The following DMD variants were observed in gnomAD, a reference collection of about 807,000 sequenced individuals.
DMD encodes dystrophin.
A neutral mutation model predicts 330.1 loss-of-function variants in DMD; 63 were observed. That is an observed-to-expected ratio of 0.19 (90% CI 0.16 to 0.24). The LOEUF is 0.24. Ranked by LOEUF, DMD falls within the 10% of genes least tolerant of loss-of-function variation. The pLI is 1.00. For missense variants in DMD, 3,344 were observed against 2,684.1 expected (o/e 1.25, Z -5.43); for synonymous variants, 1,223 against 959.8 (o/e 1.27, Z -5.07).
chrX:32,796,507 T>C (rs547189524), intron 7 of DMD, among the ~76,000 whole-genome samples: 23 of 111,364 alleles, frequency 2.1e-4, no homozygotes, highest in African/African-American at 3.9e-4. Flanking sequence ...TACAAATATA[T>C]AGTTGGAAGG....
chrX:31,356,231 C>CTAA (rs1244116993), intron 60 of DMD, among the ~76,000 whole-genome samples: 1 of 111,803 alleles, frequency 8.9e-6, no homozygotes. Context: ...GGCATTGATA[C>CTAA]TAATGCCGTG....
Position 32,178,971 on chromosome X carries a change from T to C in DMD, c.6438+37945A>G, listed in dbSNP as rs185180502. Among the ~76,000 whole-genome samples, 221 of 103,511 alleles carry C rather than the reference T, an allele frequency of 2.1e-3. 1 individual carries two copies. Among genetic ancestry groups the C allele is most frequent in the African/African-American group, 6.3e-3 (167 of 26,620 alleles). The allele number at this position is 103,511 out of a possible 115,157, so 89.9% of individuals were successfully genotyped here. A position where few individuals can be genotyped will look rare whatever the true frequency, so the allele number is the denominator to read the frequency against. ...CTCTCTCTCTCTCTCTCTCTCTCTC[T>C]CTCTCTCTCTCCCTCTCCTCCTGCT... is the stretch of plus-strand genomic sequence containing the variant. On this transcript the variant is annotated intron_variant, in intron 44 of 78. Coordinates refer to ENST00000357033, the MANE Select transcript of DMD (RefSeq NM_004006.3).
At chrX:33,144,462 G>A (rs2047936153) in intron 1 of DMD, among the ~76,000 whole-genome samples, 1 of 111,844 alleles carries the variant, frequency 8.9e-6, no homozygotes, top group African/African-American at 3.2e-5. Context: ...AATGATAAAT[G>A]TTTGAGGTAA....
intron 44 of DMD, among the ~76,000 whole-genome samples, chrX:32,070,933 C>G (rs1003572018): frequency 9.0e-6 from 1 of 111,288 alleles, no homozygotes; most frequent in Non-Finnish European, 1.9e-5. Flanking sequence ...TTACTCATTG[C>G]AATAGTTTGC....
chrX:33,236,422 A>T (rs2052485290), intron 1 of DMD, among the ~76,000 whole-genome samples: 2 of 107,392 alleles, frequency 1.9e-5, no homozygotes, highest in Non-Finnish European at 3.8e-5. Flanking sequence ...GCACCACCAC[A>T]CCCAGCTAAT....
rs373967720 is a variant in DMD at position 32,911,411 on chromosome X, T to C, written c.94-61591A>G. Among the ~76,000 whole-genome samples the C allele has an allele frequency of 2.9e-4, 33 of 112,197 alleles. 1 individual carries two copies. In the East Asian group the frequency reaches 7.3e-3, roughly 25 times the overall value. The stretch of plus-strand genomic sequence containing the variant: ...ACATTAAACTCTGTATAGTATATTG[T>C]AGAACTTAATTCATATCTGCTAAAT... On this transcript the variant is annotated intron_variant, in intron 2 of 78. Coordinates refer to ENST00000357033, the MANE Select transcript of DMD (RefSeq NM_004006.3).
chrX:32,742,144 C>G (rs1039087521), intron 7 of DMD, among the ~76,000 whole-genome samples: 1 of 111,653 alleles, frequency 9.0e-6, no homozygotes, highest in East Asian at 2.8e-4. Context: ...CAGCTACCAC[C>G]CATTCCCTTT....
At chrX:32,107,898 C>G (rs1487582087) in intron 44 of DMD, among the ~76,000 whole-genome samples, 1 of 111,001 alleles carries the variant, frequency 9.0e-6, no homozygotes, top group Non-Finnish European at 1.9e-5. Flanking sequence ...ACAACAGTAT[C>G]ATTAGAATGT....
At chrX:32,096,965 A>G (rs144065572) in intron 44 of DMD, among the ~76,000 whole-genome samples, 1,214 of 112,056 alleles carry the variant, frequency 0.011, 14 homozygotes, top group African/African-American at 0.037. Context: ...TAGAGTTTGA[A>G]TGGCTTCAAT....
In DMD at chrX:32,558,938, CTTTTTTTTTTTT is replaced by C. The variant is rs60739281; in HGVS notation, c.1992+6752_1992+6763del. Among the ~76,000 whole-genome samples, 144 of 50,805 alleles carry C rather than the reference CTTTTTTTTTTTT, an allele frequency of 2.8e-3. 1 individual carries two copies. The highest frequency in any genetic ancestry group is 0.013 in the African/African-American group (122 of 9,728). The allele number at this position is 50,805 out of a possible 115,157, so 44.1% of individuals were successfully genotyped here. ...TATTTGAGATGTAACTTCAAATTTTCTTTTTTTTTTTTTTTTTTTTTTTTTTTTTTGAGACGA... is the reference window on the plus strand; with the variant it reads ...TATTTGAGATGTAACTTCAAATTTTCTTTTTTTTTTTTTTTTTTGAGACGA... On this transcript the variant is annotated intron_variant, in intron 16 of 78. Coordinates refer to ENST00000357033, the MANE Select transcript of DMD (RefSeq NM_004006.3).
intron 68 of DMD, among the ~76,000 whole-genome samples, chrX:31,181,253 A>G (rs770971304): frequency 8.9e-6 from 1 of 111,923 alleles, no homozygotes; most frequent in South Asian, 3.7e-4. Context: ...TCAAATAAAC[A>G]TATTTCTTAT....
intron 50 of DMD, among the ~76,000 whole-genome samples, chrX:31,798,035 T>C (rs1036831564): frequency 8.9e-5 from 10 of 112,111 alleles, no homozygotes; most frequent in African/African-American, 3.2e-4. Flanking sequence ...CTTTTATAGG[T>C]GGAAATAGTG....
chrX:31,821,402 G>A (rs1260468985), intron 49 of DMD, among the ~76,000 whole-genome samples: 1 of 112,295 alleles, frequency 8.9e-6, no homozygotes, highest in Non-Finnish European at 1.9e-5. Flanking sequence ...AGTTACCTGA[G>A]CATTTATCAT....
intron 2 of DMD, among the ~76,000 whole-genome samples, chrX:32,865,749 T>TA (rs2082429585): frequency 8.9e-6 from 1 of 112,740 alleles, no homozygotes; most frequent in Non-Finnish European, 1.9e-5. Context: ...TAGTATTGTT[T>TA]AGGAAAAACC....
At chrX:32,404,048 TATATCTTTA>T (rs1481329703) in intron 30 of DMD, among the ~76,000 whole-genome samples, 1 of 112,227 alleles carries the variant, frequency 8.9e-6, no homozygotes, top group African/African-American at 3.2e-5. Context: ...AATCTGCAGT[TATATCTTTA>T]TTTTTAAGCC....
In DMD at chrX:32,748,355, AAAAAG is replaced by A. The variant is rs1186113976; in HGVS notation, c.650-49067_650-49063del. Among the ~76,000 whole-genome samples, 556 of 108,590 alleles carry A rather than the reference AAAAAG, an allele frequency of 5.1e-3. 1 individual carries two copies. Among genetic ancestry groups the A allele is most frequent in the African/African-American group, 0.016 (475 of 29,199 alleles). The allele number at this position is 108,590 out of a possible 115,157, so 94.3% of individuals were successfully genotyped here. A position where few individuals can be genotyped will look rare whatever the true frequency, so the allele number is the denominator to read the frequency against. ...AACAAGACTCCGTCTCAAAAAAAAAAAAAAGAAAAGAAAAGAAAAGAAAAAGAAAA... is the reference window on the plus strand; with the variant it reads ...AACAAGACTCCGTCTCAAAAAAAAAAAAAAGAAAAGAAAAGAAAAAGAAAA... On this transcript the variant is annotated intron_variant, in intron 7 of 78. Coordinates refer to ENST00000357033, the MANE Select transcript of DMD (RefSeq NM_004006.3).
chrX:32,742,869 G>A lies in DMD; in HGVS notation c.650-43576C>T, dbSNP rs189860087. ...TATTTAATCCTCACTGCAATCCTAC[G>A]ATGTAGATACTATTATGATCCCCAT... is the stretch of plus-strand genomic sequence containing the variant. On this transcript the variant is annotated intron_variant, in intron 7 of 78. Transcript: ENST00000357033. Among the ~76,000 whole-genome samples the A allele has an allele frequency of 4.5e-5, 5 of 111,752 alleles. No individual in the cohort carries two copies. The East Asian group carries it at 1.1e-3, about 25-fold the overall frequency.
chrX:31,122,576 C>G (rs1198354115), intron 78 of DMD, among the ~76,000 whole-genome samples: 1 of 111,432 alleles, frequency 9.0e-6, no homozygotes, highest in East Asian at 2.8e-4. Context: ...ATAATAAACT[C>G]TTGAATTGAC....
At chrX:32,297,220 C>A (rs1182738326) in intron 42 of DMD, among the ~76,000 whole-genome samples, 7 of 107,491 alleles carry the variant, frequency 6.5e-5, no homozygotes, top group Admixed American at 6.1e-4. Context: ...AAAAACCTAC[C>A]ATGAGACAGT....
Sources: gnomAD v4.1 joint callset for allele counts (sites outside exome capture counted in the v4.1 genomes callset) on GRCh38, gnomAD v4.1.1 for gene constraint, MANE v1.5 for transcripts, NCBI Gene and HGNC (gene_info 2026-07-23, HGNC 2026-07-21) for gene names.